The following ACTR3C variants were observed in gnomAD, a reference collection of about 807,000 sequenced individuals.
ACTR3C encodes actin related protein 3C, also known as actin-related protein 3C.
A neutral mutation model predicts 26.3 loss-of-function variants in ACTR3C; 18 were observed. That is an observed-to-expected ratio of 0.68 (90% CI 0.47 to 1.01). The LOEUF is 1.01. ACTR3C is among the 50% of genes least tolerant of loss of function. The pLI is 0.00. For missense variants in ACTR3C, 184 were observed against 250.7 expected (o/e 0.73, Z 1.80); for synonymous variants, 55 against 94.5 (o/e 0.58, Z 2.42).
At chr7:149,946,530 T>A in the ACTR3C span, among the ~76,000 whole-genome samples, 1 of 152,242 alleles carries the variant, frequency 6.6e-6, no homozygotes, top group South Asian at 2.1e-4. Flanking sequence ...GTCCCCCTGT[T>A]CTCCCAGGAT....
chr7:150,019,599 A>AAAAAAAT, the ACTR3C span, among the ~76,000 whole-genome samples: 1 of 109,810 alleles, frequency 9.1e-6, no homozygotes, highest in African/African-American at 3.4e-5. Context: ...TCAAAAATAA[A>AAAAAAAT]AATAATAATA....
the ACTR3C span, among the ~76,000 whole-genome samples, chr7:150,159,467 T>C: frequency 1.3e-5 from 2 of 152,282 alleles, no homozygotes; most frequent in African/African-American, 4.8e-5. Flanking sequence ...GGAAGGTATT[T>C]AGCTTTGGCG....
At chr7:150,006,724 C>T in the ACTR3C span, among the ~76,000 whole-genome samples, 1 of 151,878 alleles carries the variant, frequency 6.6e-6, no homozygotes, top group Non-Finnish European at 1.5e-5. Context: ...GCAGGCGCCT[C>T]TATGGGCAAT....
chr7:150,123,127 T>A, the ACTR3C span, among the ~76,000 whole-genome samples: 7 of 151,642 alleles, frequency 4.6e-5, no homozygotes, highest in African/African-American at 1.7e-4. Flanking sequence ...GAGAAATACC[T>A]AATGTAGATG....
chr7:149,883,331 C>T, the ACTR3C span, among the ~76,000 whole-genome samples: 1 of 152,102 alleles, frequency 6.6e-6, no homozygotes, highest in African/African-American at 2.4e-5. Context: ...AAACCCCACC[C>T]GTGCCCCCAA....
At chr7:150,035,708 G>C in the ACTR3C span, among the ~76,000 whole-genome samples, 554 of 138,954 alleles carry the variant, frequency 4.0e-3, 78 homozygotes, top group African/African-American at 0.014. Flanking sequence ...GGGGTCCTAA[G>C]CCAGGGGGTG....
At chr7:150,143,421 TCTCA>T in the ACTR3C span, among the ~76,000 whole-genome samples, 1 of 152,066 alleles carries the variant, frequency 6.6e-6, no homozygotes, top group African/African-American at 2.4e-5. Flanking sequence ...CATAATTATT[TCTCA>T]CTCTTTAGTT....
At chr7:150,038,628 GT>G in the ACTR3C span, among the ~76,000 whole-genome samples, 30 of 145,586 alleles carry the variant, frequency 2.1e-4, 3 homozygotes, top group Non-Finnish European at 3.6e-4. Context: ...CCCGAGCTGC[GT>G]TCGGACCCGT....
the ACTR3C span, among the ~76,000 whole-genome samples, chr7:150,159,960 A>G: frequency 6.6e-6 from 1 of 151,872 alleles, no homozygotes; most frequent in East Asian, 1.9e-4. Context: ...ATGCCTGGCT[A>G]ATTTTTGTAT....
chr7:149,911,986 G>T, the ACTR3C span, among the ~76,000 whole-genome samples: 1 of 148,204 alleles, frequency 6.7e-6, no homozygotes, highest in Non-Finnish European at 1.5e-5. Context: ...CTGTAGCCCG[G>T]GTGACAGAGC....
At chr7:149,949,323 C>G in the ACTR3C span, among the ~76,000 whole-genome samples, 2,421 of 145,316 alleles carry the variant, frequency 0.017, 404 homozygotes, top group African/African-American at 0.064. Flanking sequence ...TTGCAGTGAG[C>G]TGAGATTGCA....
chr7:149,960,645 G>C, the ACTR3C span, among the ~76,000 whole-genome samples: 1 of 152,104 alleles, frequency 6.6e-6, no homozygotes, highest in Non-Finnish European at 1.5e-5. Flanking sequence ...GGAGTCGACT[G>C]TCATTAAACA....
At chr7:150,029,828 A>C in the ACTR3C span, among the ~76,000 whole-genome samples, 1 of 151,684 alleles carries the variant, frequency 6.6e-6, no homozygotes, top group Non-Finnish European at 1.5e-5. Context: ...CTCCCTGAAT[A>C]CTCTGAGCTC....
the ACTR3C span, among the ~76,000 whole-genome samples, chr7:149,914,046 C>T: frequency 5.3e-5 from 8 of 151,858 alleles, no homozygotes; most frequent in East Asian, 2.0e-4. Flanking sequence ...CCATCACACC[C>T]GGCTAAGTTT....
chr7:150,036,111 CA>C, the ACTR3C span, among the ~76,000 whole-genome samples: 2 of 131,910 alleles, frequency 1.5e-5, no homozygotes, highest in East Asian at 4.3e-4. Context: ...TGCAAAGAGC[CA>C]GGGGGGGAAG....
the ACTR3C span, among the ~76,000 whole-genome samples, chr7:150,042,618 A>C: frequency 6.6e-6 from 1 of 151,348 alleles, no homozygotes; most frequent in Non-Finnish European, 1.5e-5. Flanking sequence ...CCCAAGAGCC[A>C]GGGGGTAAGA....
the ACTR3C span, among the ~76,000 whole-genome samples, chr7:149,977,471 G>A: frequency 6.6e-6 from 1 of 152,168 alleles, no homozygotes; most frequent in Non-Finnish European, 1.5e-5. Flanking sequence ...TGGGAACCCG[G>A]CCACTTGTTC....
the ACTR3C span, chr7:150,047,520 C>A: frequency 6.2e-4 from 407 of 660,184 alleles, 3 homozygotes; most frequent in African/African-American, 7.7e-3. Flanking sequence ...CCTGATTCCC[C>A]CCCCCACAGA....
At chr7:150,032,385 T>C in the ACTR3C span, among the ~76,000 whole-genome samples, 1 of 152,154 alleles carries the variant, frequency 6.6e-6, no homozygotes. Context: ...GGAGATTCCC[T>C]CCCTGGCCAG....
Sources: allele counts gnomAD v4.1 joint callset (sites outside exome capture counted in the v4.1 genomes callset), GRCh38; gene constraint gnomAD v4.1.1; transcripts MANE v1.5; gene names NCBI Gene and HGNC (gene_info 2026-07-23, HGNC 2026-07-21).